UBR1: variants seen among roughly 807,000 people sequenced by gnomAD.
UBR1 encodes the protein ubiquitin protein ligase E3 component n-recognin 1.
A neutral mutation model predicts 242.1 loss-of-function variants in UBR1; 102 were observed. The observed-to-expected ratio is 0.42, with a 90% CI of 0.36 to 0.50. The LOEUF is 0.50. Among genes scored for constraint, UBR1 ranks in the 20% least tolerant of loss-of-function variants. The probability of loss-of-function intolerance (pLI) is 0.01; values close to 1 mark genes in which losing one functional copy is unlikely to be tolerated. For missense variants in UBR1, 1,772 were observed against 2,101.8 expected (o/e 0.84, Z 3.07); for synonymous variants, 675 against 684.8 (o/e 0.99, Z 0.22).
At chr15:43,052,926 AG>A (rs2033574278) in intron 12 of UBR1, among the ~76,000 whole-genome samples, 1 of 152,220 alleles carries the variant, frequency 6.6e-6, no homozygotes, top group African/African-American at 2.4e-5. Context: ...GCCACTTACT[AG>A]GTTTGTGACT....
intron 8 of UBR1, 38 bp from the exon 9 acceptor site, chr15:43,059,230 A>G (rs1383868660): frequency 1.3e-6 from 2 of 1,572,018 alleles, no homozygotes; most frequent in Non-Finnish European, 1.8e-6. Flanking sequence ...CACAACTTGT[A>G]TTCTTTTTCT....
At chr15:42,956,939 A>T (rs935746404) in intron 44 of UBR1, among the ~76,000 whole-genome samples, 5 of 152,192 alleles carry the variant, frequency 3.3e-5, no homozygotes, top group African/African-American at 1.2e-4. Context: ...AAATGGTGCA[A>T]CCACTGTGGA....
chr15:42,997,019 G>A lies in UBR1; in HGVS notation c.3757+1149C>T, dbSNP rs758411770. 2.0e-5 allele frequency among the ~76,000 whole-genome samples: 3 copies of A among 152,194 alleles called. No homozygotes were observed. In the South Asian group the frequency reaches 6.2e-4, roughly 31 times the overall value. The stretch of plus-strand genomic sequence containing the variant: ...ATGGACGAGTACCAGTCTATGGCCT[G>A]TTGGGAACCTTGGGAATGGGCTGCA... On this transcript the variant is annotated intron_variant, in intron 33 of 46. Transcript: ENST00000290650.
intron 6 of UBR1, among the ~76,000 whole-genome samples, chr15:43,063,013 T>G (rs1195388007): frequency 6.6e-6 from 1 of 152,244 alleles, no homozygotes; most frequent in African/African-American, 2.4e-5. Flanking sequence ...TAAAACAGAC[T>G]AACTGCAACA....
chr15:42,974,844 G>A (rs2032263633), intron 39 of UBR1, among the ~76,000 whole-genome samples: 1 of 152,114 alleles, frequency 6.6e-6, no homozygotes, highest in South Asian at 2.1e-4. Flanking sequence ...CCAAAGGACT[G>A]GGATTACAGG....
intron 27 of UBR1, among the ~76,000 whole-genome samples, chr15:43,018,940 G>A (rs1042403833): frequency 2.0e-5 from 3 of 152,130 alleles, no homozygotes; most frequent in Admixed American, 6.5e-5. Flanking sequence ...ATGGTACCTC[G>A]ATTTACTTTC....
intron 46 of UBR1, among the ~76,000 whole-genome samples, chr15:42,945,758 C>T (rs1167695397): frequency 6.6e-6 from 1 of 152,176 alleles, no homozygotes; most frequent in African/African-American, 2.4e-5. Flanking sequence ...TAACTTGAAG[C>T]AGCACTATTC....
chr15:42,983,094 GAGA>G (rs1280992955), intron 37 of UBR1, among the ~76,000 whole-genome samples: 1 of 152,264 alleles, frequency 6.6e-6, no homozygotes, highest in East Asian at 1.9e-4. Flanking sequence ...GTTAGAATCT[GAGA>G]AGATTAGCTG....
rs563915825 is a variant in UBR1 at position 43,042,072 on chromosome 15, G to C, written c.1849+1143C>G. On this transcript the variant is annotated intron_variant, in intron 15 of 46. Coordinates refer to ENST00000290650, the MANE Select transcript of UBR1 (RefSeq NM_174916.3). ...GGTGTAGAGAAAATGGAATCCTAGT[G>C]CATGCGGGTGGGAATGTAAAATGGT... Among the ~76,000 whole-genome samples, 157 of 152,244 alleles carry C rather than the reference G, an allele frequency of 1.0e-3. 2 individuals carry two copies. Among genetic ancestry groups the C allele is most frequent in the South Asian group, 2.5e-3 (12 of 4,826 alleles).
chr15:42,976,577 C>T (rs1038321293), intron 39 of UBR1, 140 bp downstream of exon 39: 34 of 920,780 alleles, frequency 3.7e-5, no homozygotes, highest in Middle Eastern at 3.1e-4. Flanking sequence ...AAACAGTATC[C>T]ATTAAAAAAC....
intron 1 of UBR1, among the ~76,000 whole-genome samples, chr15:43,104,958 C>T (rs1357869092): frequency 6.6e-6 from 1 of 151,972 alleles, no homozygotes; most frequent in Non-Finnish European, 1.5e-5. Flanking sequence ...TTCCTGAACT[C>T]GGAAGGTTGC....
intron 31 of UBR1, among the ~76,000 whole-genome samples, chr15:43,003,547 C>A (rs1419751744): frequency 6.6e-6 from 1 of 152,216 alleles, no homozygotes; most frequent in African/African-American, 2.4e-5. Flanking sequence ...TGAGCCACCA[C>A]GCCCGGCCAA....
chr15:43,099,311 T>C (rs2034198477), intron 1 of UBR1, among the ~76,000 whole-genome samples: 2 of 134,146 alleles, frequency 1.5e-5, no homozygotes, highest in Admixed American at 8.1e-5. Flanking sequence ...CACTCCAGCC[T>C]GGGTGACGTC....
chr15:43,033,152 GGTGCAGTGGCATGC>G (rs1423262462), intron 19 of UBR1, among the ~76,000 whole-genome samples: 1 of 151,946 alleles, frequency 6.6e-6, no homozygotes, highest in African/African-American at 2.4e-5. Context: ...TTTTTGGCCA[GGTGCAGTGGCATGC>G]GCCACTGCTC....
At chr15:43,004,414 A>T (rs897292840) in intron 30 of UBR1, among the ~76,000 whole-genome samples, 1 of 151,338 alleles carries the variant, frequency 6.6e-6, no homozygotes, top group Admixed American at 6.6e-5. Flanking sequence ...CTCTGATGCC[A>T]CCAAAGTTGT....
intron 27 of UBR1, among the ~76,000 whole-genome samples, chr15:43,017,479 A>G (rs531273106): frequency 1.3e-5 from 2 of 152,294 alleles, no homozygotes; most frequent in East Asian, 3.9e-4. Flanking sequence ...TTAATTTGAA[A>G]TAATATTTTT....
At chr15:43,022,646 C>G in intron 26 of UBR1, 56 bp downstream of exon 26, 2 of 1,304,666 alleles carry the variant, frequency 1.5e-6, no homozygotes, top group Non-Finnish European at 2.2e-6. Flanking sequence ...AATTAAAACT[C>G]CTTAAGATCT....
Position 42,985,498 on chromosome 15 carries a change from G to A in UBR1, c.3998-556C>T, listed in dbSNP as rs552691817. ...CTCCTCAGTAGCTGGGATTACAGGC[G>A]TGCACCACTACGCCAGCTAAATTTT... On this transcript the variant is annotated intron_variant, in intron 35 of 46. Coordinates refer to ENST00000290650, the MANE Select transcript of UBR1 (RefSeq NM_174916.3). 1.8e-4 allele frequency among the ~76,000 whole-genome samples: 27 copies of A among 152,036 alleles called. No individual in the cohort carries two copies. The South Asian group carries it at 5.4e-3, about 30-fold the overall frequency.
intron 42 of UBR1, 26 bp downstream of exon 42, chr15:42,963,906 CCAA>C (rs2032062545): frequency 1.3e-6 from 2 of 1,511,560 alleles, no homozygotes; most frequent in Non-Finnish European, 9.2e-7. Context: ...GTATAATAAC[CCAA>C]CAACAATATT....
Sources: allele counts gnomAD v4.1 joint callset (sites outside exome capture counted in the v4.1 genomes callset), GRCh38; gene constraint gnomAD v4.1.1; transcripts MANE v1.5; gene names NCBI Gene and HGNC (gene_info 2026-07-23, HGNC 2026-07-21).